The following NSUN6 variants were observed in gnomAD, a reference collection of about 807,000 sequenced individuals.
The protein encoded by NSUN6 is tRNA (cytosine(72)-C(5))-methyltransferase NSUN6.
Under a neutral mutation model 58.0 loss-of-function variants are expected in NSUN6, and 64 were observed. The ratio of observed to expected loss-of-function variants is 1.10; its 90% confidence interval spans 0.90 to 1.36. NSUN6 has a LOEUF of 1.36. NSUN6 is among the 40% of genes most tolerant of loss of function. The pLI, the probability that NSUN6 is intolerant of heterozygous loss-of-function variation, is 0.00. For synonymous variants in NSUN6, 231 were observed against 193.9 expected (o/e 1.19, Z -1.59); for missense variants, 701 against 550.1 (o/e 1.27, Z -2.74).
intron 7 of NSUN6, among the ~76,000 whole-genome samples, chr10:18,587,421 G>A (rs745666554): frequency 6.6e-6 from 1 of 152,036 alleles, no homozygotes; most frequent in Non-Finnish European, 1.5e-5. Context: ...GGTATAAAAC[G>A]CAGTTCAAGA....
At chr10:18,616,926 G>A (rs768064355) in intron 3 of NSUN6, among the ~76,000 whole-genome samples, 11 of 151,956 alleles carry the variant, frequency 7.2e-5, no homozygotes, top group Non-Finnish European at 1.2e-4. Flanking sequence ...CACTGCTGGG[G>A]GAATTAGGTG....
chr10:18,576,616 C>T (rs535263268), intron 8 of NSUN6, among the ~76,000 whole-genome samples: 4 of 152,324 alleles, frequency 2.6e-5, no homozygotes, highest in Admixed American at 6.5e-5. Flanking sequence ...GGTCAGCCCC[C>T]GAGGGCCATC....
chr10:18,560,220 T>C (rs1462218991), intron 8 of NSUN6, among the ~76,000 whole-genome samples: 4 of 150,424 alleles, frequency 2.7e-5, no homozygotes, highest in Non-Finnish European at 4.4e-5. Flanking sequence ...GAGAATGGTA[T>C]GGAATGGAAC....
intron 7 of NSUN6, among the ~76,000 whole-genome samples, chr10:18,592,209 G>A (rs957110536): frequency 2.0e-5 from 3 of 152,036 alleles, no homozygotes; most frequent in Admixed American, 6.6e-5. Context: ...CATTGTTCAG[G>A]GAAATAAGAG....
chr10:18,547,400 C>G lies in NSUN6; in HGVS notation c.1197+712G>C, dbSNP rs562619016. Among the ~76,000 whole-genome samples, 8 of 152,230 alleles carry G rather than the reference C, an allele frequency of 5.3e-5. No individual in the cohort carries two copies. In the South Asian group the frequency reaches 1.7e-3, roughly 32 times the overall value. On this transcript the variant is annotated intron_variant, in intron 10 of 10. Coordinates refer to ENST00000377304, the MANE Select transcript of NSUN6 (RefSeq NM_182543.5). ...TCTACAATGTAATTATCTTAATTTA[C>G]GAGACTAGAAACCATCTCTGAATTG...
rs910407191 is a variant in NSUN6 at position 18,610,348 on chromosome 10, C to CA, written c.576-423dup. On this transcript the variant is annotated intron_variant, in intron 5 of 10. Coordinates refer to ENST00000377304, the MANE Select transcript of NSUN6 (RefSeq NM_182543.5). The stretch of plus-strand genomic sequence containing the variant: ...GGGCGTCAAGAGTGAAACTCCGTCT[C>CA]AAAAAAAAAGAACTCTTTTTATTAA... Among the ~76,000 whole-genome samples, 30 of 148,870 alleles carry CA rather than the reference C, an allele frequency of 2.0e-4. 1 individual carries two copies. Among genetic ancestry groups the CA allele is most frequent in the Admixed American group, 5.4e-4 (8 of 14,934 alleles).
intron 9 of NSUN6, among the ~76,000 whole-genome samples, chr10:18,550,524 T>G (rs188706686): frequency 7.2e-5 from 11 of 152,156 alleles, no homozygotes; most frequent in African/African-American, 2.7e-4. Context: ...CTATACACGC[T>G]GAAATCCACT....
chr10:18,634,560 G>C (rs1181443682), intron 3 of NSUN6, among the ~76,000 whole-genome samples: 1 of 150,436 alleles, frequency 6.6e-6, no homozygotes, highest in African/African-American at 2.5e-5. Flanking sequence ...GACCATCCCG[G>C]CTAACATGGT....
chr10:18,553,504 T>C (rs2054755533), intron 8 of NSUN6, among the ~76,000 whole-genome samples: 1 of 148,776 alleles, frequency 6.7e-6, no homozygotes, highest in Non-Finnish European at 1.5e-5. Flanking sequence ...GAGAATGGAA[T>C]GGAGCGGAGA....
chr10:18,614,304 A>T (rs1373391958), intron 5 of NSUN6, among the ~76,000 whole-genome samples, 156 bp downstream of exon 5: 1 of 151,724 alleles, frequency 6.6e-6, no homozygotes, highest in African/African-American at 2.4e-5. Flanking sequence ...TTGACCAAAC[A>T]TCATGGAAAT....
intron 3 of NSUN6, among the ~76,000 whole-genome samples, chr10:18,637,116 C>A (rs567233681): frequency 1.3e-5 from 2 of 151,794 alleles, no homozygotes; most frequent in African/African-American, 4.8e-5. Flanking sequence ...GCATGCACCA[C>A]CACACCCAGA....
intron 5 of NSUN6, 100 bp downstream of exon 5, chr10:18,614,360 A>AC: frequency 1.4e-6 from 1 of 722,584 alleles, no homozygotes; most frequent in South Asian, 4.4e-5. Context: ...ACCAAAAAAA[A>AC]AAATTTCATA....
chr10:18,574,719 G>C (rs116765232), intron 8 of NSUN6, among the ~76,000 whole-genome samples: 1 of 152,066 alleles, frequency 6.6e-6, no homozygotes, highest in African/African-American at 2.4e-5. Flanking sequence ...ACCAATTCCA[G>C]GTATGCCTCT....
At position 18,648,577 on chromosome 10, in the gene NSUN6, A is replaced by C; in HGVS notation, c.144T>G (p.His48Gln). Residue 48 changes from histidine to glutamine, a missense_variant, in exon 2 of 11, where the codon CAT (histidine) becomes CAG (glutamine). Transcript: ENST00000377304. ...CTCTGACAGTTGTAAATGATGGAGG[A>C]TGTGACAGGTGCTTTAACAAAGTTT... Reference protein sequence around the residue: ...KFETLLKHLSHPPSFTTVRVN... With the variant: ...KFETLLKHLSQPPSFTTVRVN... The C allele has an allele frequency of 6.2e-7, 1 of 1,604,690 alleles. No individual in the cohort carries two copies. The highest frequency in any genetic ancestry group is 8.5e-7 in the Non-Finnish European group (1 of 1,171,544).
At chr10:18,578,316 C>T (rs943267448) in intron 8 of NSUN6, among the ~76,000 whole-genome samples, 2 of 149,848 alleles carry the variant, frequency 1.3e-5, no homozygotes, top group African/African-American at 4.9e-5. Context: ...TCACTGCAAC[C>T]CCCGCCTCCT....
intron 6 of NSUN6, among the ~76,000 whole-genome samples, chr10:18,605,904 A>C (rs2058031765): frequency 1.3e-5 from 2 of 152,200 alleles, no homozygotes; most frequent in South Asian, 4.1e-4. Flanking sequence ...TATTCTCCAA[A>C]ATGGAACAAT....
At position 18,601,121 on chromosome 10, in the gene NSUN6, G is replaced by C. The variant is rs192813412; in HGVS notation, c.658-4794C>G. Among the ~76,000 whole-genome samples the C allele has an allele frequency of 3.9e-3, 592 of 150,884 alleles. 1 individual carries two copies. The highest frequency in any genetic ancestry group is 7.3e-3 in the Non-Finnish European group (497 of 67,848). The stretch of plus-strand genomic sequence containing the variant: ...GTTATTGAATGTCATTCAAGAAACC[G>C]TATCAGTTTTCTTAAGTTATAAACC... On this transcript the variant is annotated intron_variant, in intron 6 of 10. Transcript: ENST00000377304.
chr10:18,582,484 C>A lies in NSUN6; in HGVS notation c.922+3465G>T, dbSNP rs2056948338. 2.0e-5 allele frequency among the ~76,000 whole-genome samples: 3 copies of A among 152,178 alleles called. 1 individual carries two copies. The highest frequency in any genetic ancestry group is 2.0e-4 in the Admixed American group (3 of 15,276). On this transcript the variant is annotated intron_variant, in intron 8 of 10. Transcript: ENST00000377304. ...TGAGAAGAATCCGCTAAACCAAAGACCGGAGAAGTTTATGAGAGAATCAAG... is the reference window on the plus strand; with the variant it reads ...TGAGAAGAATCCGCTAAACCAAAGAACGGAGAAGTTTATGAGAGAATCAAG...
At position 18,643,447 on chromosome 10, in the gene NSUN6, A is replaced by G. The variant is rs529925143; in HGVS notation, c.232-892T>C. Among the ~76,000 whole-genome samples the G allele has an allele frequency of 9.2e-5, 14 of 152,246 alleles. No homozygotes were observed. In the South Asian group the frequency reaches 2.9e-3, roughly 32 times the overall value. ...ACCAATCACCACAATGCATGTTTGCATTGCCCCACAGGATTCATACACTAT... is the reference window on the plus strand; with the variant it reads ...ACCAATCACCACAATGCATGTTTGCGTTGCCCCACAGGATTCATACACTAT... On this transcript the variant is annotated intron_variant, in intron 2 of 10. Coordinates refer to ENST00000377304, the MANE Select transcript of NSUN6 (RefSeq NM_182543.5).
Sources: gnomAD v4.1 joint callset for allele counts (sites outside exome capture counted in the v4.1 genomes callset) on GRCh38, gnomAD v4.1.1 for gene constraint, MANE v1.5 for transcripts, NCBI Gene and HGNC (gene_info 2026-07-23, HGNC 2026-07-21) for gene names.